DGKI: variants seen among roughly 807,000 people sequenced by gnomAD.
DGKI encodes the protein diacylglycerol kinase iota.
A neutral mutation model predicts 147.5 loss-of-function variants in DGKI; 55 were observed. The ratio of observed to expected loss-of-function variants is 0.37; its 90% CI spans 0.30 to 0.47. DGKI has a LOEUF of 0.47. Ranked by LOEUF, DGKI falls within the 20% of genes least tolerant of loss-of-function variation. The probability of loss-of-function intolerance (pLI) is 1.00; values close to 1 mark genes in which losing one functional copy is unlikely to be tolerated. For missense variants in DGKI, 1,007 were observed against 1,323.8 expected (o/e 0.76, Z 3.71); for synonymous variants, 469 against 477.1 (o/e 0.98, Z 0.22).
chr7:137,402,630 C>T (rs913915799), intron 30 of DGKI, among the ~76,000 whole-genome samples: 1 of 152,220 alleles, frequency 6.6e-6, no homozygotes, highest in Non-Finnish European at 1.5e-5. Context: ...ACCAATGCCT[C>T]CAAATCCCCT....
chr7:137,827,776 C>G (rs1798102959), intron 1 of DGKI, among the ~76,000 whole-genome samples: 1 of 152,200 alleles, frequency 6.6e-6, no homozygotes, highest in South Asian at 2.1e-4. Flanking sequence ...GCCTTTCATT[C>G]CTTCAAATAT....
intron 20 of DGKI, among the ~76,000 whole-genome samples, chr7:137,551,084 T>C (rs1818029692): frequency 6.6e-6 from 1 of 151,970 alleles, no homozygotes; most frequent in Admixed American, 6.6e-5. Context: ...AAATGCAAAA[T>C]GTAAACAAAG....
At chr7:137,642,242 G>A (rs1306822229) in intron 6 of DGKI, among the ~76,000 whole-genome samples, 1 of 152,078 alleles carries the variant, frequency 6.6e-6, no homozygotes, top group Non-Finnish European at 1.5e-5. Context: ...GTTGGGTTTG[G>A]CCACTAGAAC....
intron 21 of DGKI, among the ~76,000 whole-genome samples, chr7:137,504,621 A>G (rs765410446): frequency 6.6e-6 from 1 of 152,204 alleles, no homozygotes; most frequent in African/African-American, 2.4e-5. Flanking sequence ...GTATATACAC[A>G]TTTTAAAAAC....
At chr7:137,803,209 A>C (rs1797267269) in intron 1 of DGKI, among the ~76,000 whole-genome samples, 1 of 152,140 alleles carries the variant, frequency 6.6e-6, no homozygotes, top group Admixed American at 6.5e-5. Flanking sequence ...AAAACAAGGA[A>C]ATTCAGGACA....
intron 1 of DGKI, among the ~76,000 whole-genome samples, chr7:137,730,239 G>T (rs902773566): frequency 6.6e-6 from 1 of 152,016 alleles, no homozygotes; most frequent in African/African-American, 2.4e-5. Context: ...ACAACAACCA[G>T]ATCACAGTCT....
chr7:137,498,407 C>T (rs1361777765), intron 21 of DGKI, among the ~76,000 whole-genome samples: 1 of 151,868 alleles, frequency 6.6e-6, no homozygotes, highest in Non-Finnish European at 1.5e-5. Flanking sequence ...AGAATATTTC[C>T]TAAAACATTA....
chr7:137,647,835 C>T (rs1438362065), intron 5 of DGKI, among the ~76,000 whole-genome samples: 1 of 152,174 alleles, frequency 6.6e-6, no homozygotes, highest in Non-Finnish European at 1.5e-5. Context: ...TGCAGCATAT[C>T]CCAATTCGCA....
intron 24 of DGKI, among the ~76,000 whole-genome samples, chr7:137,469,290 G>C (rs370364293): frequency 2.0e-4 from 31 of 152,190 alleles, no homozygotes; most frequent in South Asian, 8.3e-4. Flanking sequence ...GAGGGCTGAT[G>C]AAAGAAAAAC....
chr7:137,757,766 C>T (rs1795733503), intron 1 of DGKI, among the ~76,000 whole-genome samples: 1 of 152,208 alleles, frequency 6.6e-6, no homozygotes, highest in Admixed American at 6.5e-5. Flanking sequence ...TTCCCCAAGG[C>T]ACTGGGCACT....
chr7:137,414,375 T>TAA (rs1812280490), intron 28 of DGKI, among the ~76,000 whole-genome samples: 1 of 152,190 alleles, frequency 6.6e-6, no homozygotes, highest in Non-Finnish European at 1.5e-5. Flanking sequence ...TAACAAGCTA[T>TAA]AAGCAGCATC....
At chr7:137,718,873 G>A (rs1794463963) in intron 1 of DGKI, among the ~76,000 whole-genome samples, 1 of 152,146 alleles carries the variant, frequency 6.6e-6, no homozygotes, top group Non-Finnish European at 1.5e-5. Context: ...GGGGACTTGT[G>A]GCCAATGTGA....
chr7:137,517,429 TAAAA>T (rs1185083813), intron 21 of DGKI, among the ~76,000 whole-genome samples: 1 of 148,756 alleles, frequency 6.7e-6, no homozygotes. Context: ...GAAAGAAAGA[TAAAA>T]AAAGAAAGAA....
At chr7:137,644,189 A>G (rs570111837) in intron 6 of DGKI, among the ~76,000 whole-genome samples, 17 of 152,348 alleles carry the variant, frequency 1.1e-4, no homozygotes, top group Middle Eastern at 3.4e-3. Flanking sequence ...AGGATGGCCA[A>G]TAAGAATCAG....
intron 19 of DGKI, among the ~76,000 whole-genome samples, chr7:137,563,047 A>G (rs113308916): frequency 3.9e-5 from 6 of 152,150 alleles, no homozygotes; most frequent in African/African-American, 1.2e-4. Flanking sequence ...TAGCAATATA[A>G]AAATGATAAT....
At chr7:137,683,184 G>A (rs1823299535) in intron 2 of DGKI, among the ~76,000 whole-genome samples, 1 of 151,788 alleles carries the variant, frequency 6.6e-6, no homozygotes, top group Non-Finnish European at 1.5e-5. Context: ...TTTAACGTTA[G>A]TATAAATTTA....
intron 6 of DGKI, among the ~76,000 whole-genome samples, chr7:137,636,488 T>C (rs1336965205): frequency 9.2e-5 from 14 of 152,198 alleles, no homozygotes; most frequent in Non-Finnish European, 1.5e-5. Flanking sequence ...GAATGGACAG[T>C]ATTGAATACT....
chr7:137,745,371 T>G (rs772077846), intron 1 of DGKI, among the ~76,000 whole-genome samples: 1 of 152,220 alleles, frequency 6.6e-6, no homozygotes, highest in African/African-American at 2.4e-5. Context: ...CCCCCCTTAT[T>G]CAGACATGTT....
chr7:137,826,433 G>C (rs1441607078), intron 1 of DGKI, among the ~76,000 whole-genome samples: 4 of 152,174 alleles, frequency 2.6e-5, no homozygotes, highest in Non-Finnish European at 4.4e-5. Context: ...TGAAAAGAGT[G>C]TGTGGTTTGC....
Sources: gnomAD v4.1 joint callset for allele counts (sites outside exome capture counted in the v4.1 genomes callset) on GRCh38, gnomAD v4.1.1 for gene constraint, MANE v1.5 for transcripts, NCBI Gene and HGNC (gene_info 2026-07-23, HGNC 2026-07-21) for gene names.